The following RTKN2 variants were observed in gnomAD, a reference collection of about 807,000 sequenced individuals.
The protein encoded by RTKN2 is rhotekin-2.
RTKN2 carries 69 observed loss-of-function variants against 71.5 expected under a neutral mutation model. That is an observed-to-expected ratio of 0.96 (90% CI 0.79 to 1.18). The LOEUF (loss-of-function observed/expected upper bound fraction) is 1.18, where lower values mean the gene tolerates loss of function less well. Among genes scored for constraint, RTKN2 ranks in the 50% most tolerant of loss-of-function variants. The pLI, the probability that RTKN2 is intolerant of heterozygous loss-of-function variation, is 0.00. For synonymous variants in RTKN2, 236 were observed against 236.5 expected (o/e 1.00, Z 0.02); for missense variants, 724 against 719.7 (o/e 1.01, Z -0.07).
downstream of RTKN2, among the ~76,000 whole-genome samples, chr10:62,190,792 C>T (rs1319437560): frequency 2.6e-5 from 4 of 152,124 alleles, no homozygotes; most frequent in Non-Finnish European, 4.4e-5. Flanking sequence ...CAGCTTAACC[C>T]GTCTTACTTT....
chr10:62,216,071 A>T lies in RTKN2; in HGVS notation c.1020+1047T>A, dbSNP rs180739128. 6.6e-5 allele frequency among the ~76,000 whole-genome samples: 10 copies of T among 152,104 alleles called. No individual in the cohort carries two copies. The East Asian group carries it at 1.9e-3, about 29-fold the overall frequency. On this transcript the variant is annotated intron_variant, in intron 9 of 11. Coordinates refer to ENST00000373789, the MANE Select transcript of RTKN2 (RefSeq NM_145307.4). ...ACTTTCTGTAAGTAAAAAGCAGTGT[A>T]ATTTCTAAAAGTGGAATAGAAACAG... is the stretch of plus-strand genomic sequence containing the variant.
At position 62,268,575 on chromosome 10, in the gene RTKN2, G is replaced by C. The variant is rs759713447; in HGVS notation, c.36C>G (p.Arg12=). Residue 12 remains arginine (R), a synonymous_variant, in exon 1 of 12, where the codon CGC becomes CGG. Transcript: ENST00000373789. ...CCTGCTGGGTGGGAAGCCCCGCCAG[G>C]CGGAGCGCAGGACCCCTCAGGCTCG... ...EGPSLRGPAL[R]LAGLPTQQDC... is the part of the protein sequence containing the mutation. 1.3e-5 allele frequency: 20 copies of C among 1,566,016 alleles called. No homozygotes were observed. Among genetic ancestry groups the C allele is most frequent in the Non-Finnish European group, 1.6e-5 (19 of 1,155,184 alleles).
chr10:62,212,370 AAAAT>A (rs1010292658), intron 9 of RTKN2, among the ~76,000 whole-genome samples: 5 of 151,476 alleles, frequency 3.3e-5, no homozygotes, highest in South Asian at 2.1e-4. Flanking sequence ...CTCTGTCTCA[AAAAT>A]AAATAAATAA....
chr10:62,197,841 C>T lies in RTKN2; in HGVS notation c.*67G>A, dbSNP rs1256641110. 1.3e-6 allele frequency: 2 copies of T among 1,493,708 alleles called. No individual in the cohort carries two copies. Among genetic ancestry groups the T allele is most frequent in the East Asian group, 4.7e-5 (2 of 42,508 alleles). 92.5% of individuals were successfully genotyped at this position (1,493,708 alleles called of 1,614,324 possible). On this transcript the variant is annotated 3_prime_UTR_variant, in exon 12 of 12. Coordinates refer to ENST00000373789, the MANE Select transcript of RTKN2 (RefSeq NM_145307.4). ...TTTACCTATATAATTACACATTATTCTATAATGCCTCTGAATTAAGCTTCA... is the reference window on the plus strand; with the variant it reads ...TTTACCTATATAATTACACATTATTTTATAATGCCTCTGAATTAAGCTTCA...
chr10:62,198,313 A>G lies in RTKN2; in HGVS notation c.1425T>C (p.Asp475=), dbSNP rs1033566207. ...SLPPPWATLF[D]GNHQMVIQKK... Reference sequence around the variant, plus strand: ...TCTGGATGACCATTTGATGGTTACCATCAAAGAGTGTGGCCCAAGGAGGTG... The same window carrying G: ...TCTGGATGACCATTTGATGGTTACCGTCAAAGAGTGTGGCCCAAGGAGGTG... The change falls in exon 12 of 12, where the codon GAT becomes GAC. Residue 475 remains aspartate (D), a synonymous_variant. Transcript: ENST00000373789. 7.4e-6 allele frequency: 12 copies of G among 1,613,756 alleles called. No homozygotes were observed. The highest frequency in any genetic ancestry group is 1.3e-5 in the African/African-American group (1 of 74,890).
chr10:62,195,837 G>A lies in RTKN2; in HGVS notation c.*2071C>T. On this transcript the variant is annotated 3_prime_UTR_variant, in exon 12 of 12. Coordinates refer to ENST00000373789, the MANE Select transcript of RTKN2 (RefSeq NM_145307.4). Reference sequence around the variant, plus strand: ...GGGAGGGGGTGGTGGTCCTTGCTCAGGCTTTTAAATGGTTCTAGGTAAAAA... The same window carrying A: ...GGGAGGGGGTGGTGGTCCTTGCTCAAGCTTTTAAATGGTTCTAGGTAAAAA... 1.0e-6 allele frequency: 1 copy of A among 985,428 alleles called. No homozygotes were observed. The highest frequency in any genetic ancestry group is 1.2e-6 in the Non-Finnish European group (1 of 829,990). 61.0% of individuals were successfully genotyped at this position (985,428 alleles called of 1,614,324 possible). A position where few individuals can be genotyped will look rare whatever the true frequency, so the allele number is the denominator to read the frequency against.
chr10:62,248,115 C>T (rs1842511306), intron 2 of RTKN2, among the ~76,000 whole-genome samples: 1 of 152,080 alleles, frequency 6.6e-6, no homozygotes, highest in South Asian at 2.1e-4. Flanking sequence ...ATAGCTTTCT[C>T]CCCTGCAATT....
At chr10:62,221,342 A>C (rs1444010655) in intron 7 of RTKN2, among the ~76,000 whole-genome samples, 1 of 152,038 alleles carries the variant, frequency 6.6e-6, no homozygotes, top group African/African-American at 2.4e-5. Context: ...ACAAGGAAAA[A>C]TTGCCTTAAA....
At chr10:62,213,981 T>C (rs1841715587) in intron 9 of RTKN2, among the ~76,000 whole-genome samples, 1 of 151,982 alleles carries the variant, frequency 6.6e-6, no homozygotes, top group African/African-American at 2.4e-5. Context: ...GAATTCACTA[T>C]TAAGAGGGAA....
intron 5 of RTKN2, among the ~76,000 whole-genome samples, chr10:62,236,907 A>T (rs1214495159): frequency 1.6e-5 from 2 of 125,378 alleles, no homozygotes; most frequent in Non-Finnish European, 3.8e-5. Flanking sequence ...TGGAATATTA[A>T]AAAAAAAAGA....
At chr10:62,241,088 G>T in intron 4 of RTKN2, 54 bp downstream of exon 4, 2 of 949,286 alleles carry the variant, frequency 2.1e-6, no homozygotes, top group African/African-American at 1.7e-5. Context: ...TCAATAATCA[G>T]ATACACTACA....
rs144363129 is a variant in RTKN2 at position 62,218,261 on chromosome 10, G to A, written c.822C>T (p.Cys274=). The A allele has an allele frequency of 6.2e-7, 1 of 1,613,280 alleles. No individual in the cohort carries two copies. The highest frequency in any genetic ancestry group is 1.3e-5 in the African/African-American group (1 of 74,904). The change falls in exon 8 of 12, where the codon TGC becomes TGT. Residue 274 remains cysteine (C), a synonymous_variant. Coordinates refer to ENST00000373789, the MANE Select transcript of RTKN2 (RefSeq NM_145307.4). The stretch of plus-strand genomic sequence containing the variant: ...AAGCTGGCTGGGCAACTAGTCGGCA[G>A]CACATGTTGCCATACAGGGGAAGCC... ...SFWLPLYGNM[C]CRLVAQPACM...
At chr10:62,254,803 G>A (rs779234742) in intron 2 of RTKN2, among the ~76,000 whole-genome samples, 2 of 151,704 alleles carry the variant, frequency 1.3e-5, no homozygotes, top group Non-Finnish European at 2.9e-5. Context: ...CAAGCTGAGA[G>A]ACAAAAAATA....
exon 9 of RTKN2, chr10:62,184,275 T>G: frequency 8.4e-7 from 1 of 1,195,696 alleles, no homozygotes; most frequent in Non-Finnish European, 1.2e-6. Context: ...AAATGTCACA[T>G]TGTATTTTAA....
At position 62,204,974 on chromosome 10, in the gene RTKN2, T is replaced by G; in HGVS notation, c.1069A>C (p.Asn357His). 2 of 1,599,722 alleles carry G rather than the reference T, an allele frequency of 1.3e-6. No individual in the cohort carries two copies. The highest frequency in any genetic ancestry group is 1.7e-6 in the Non-Finnish European group (2 of 1,175,556). ...GGAACAGGATTGATGACAGAGAAATTATGGATTCTTTTCTTGGCATCCTTA... is the reference window on the plus strand; with the variant it reads ...GGAACAGGATTGATGACAGAGAAATGATGGATTCTTTTCTTGGCATCCTTA... Reference protein sequence around the residue: ...MDKDAKKRIHNFSVINPVPGQ... With the variant: ...MDKDAKKRIHHFSVINPVPGQ... The change falls in exon 10 of 12, where the codon AAT becomes CAT. Residue 357 changes from asparagine (N) to histidine (H), a missense_variant. Asn to His is a moderately conservative substitution (Grantham distance 68). Coordinates refer to ENST00000373789, the MANE Select transcript of RTKN2 (RefSeq NM_145307.4).
At chr10:62,216,714 T>C (rs945695370) in intron 9 of RTKN2, among the ~76,000 whole-genome samples, 1 of 152,062 alleles carries the variant, frequency 6.6e-6, no homozygotes. Flanking sequence ...ATCAATCCCA[T>C]AAGAAATCAG....
At chr10:62,200,378 A>G (rs1841417945) in intron 10 of RTKN2, among the ~76,000 whole-genome samples, 1 of 150,940 alleles carries the variant, frequency 6.6e-6, no homozygotes, top group Non-Finnish European at 1.5e-5. Context: ...AAAAAAAAAA[A>G]AAAAAAAAGA....
intron 9 of RTKN2, among the ~76,000 whole-genome samples, chr10:62,216,445 GAATA>G (rs1841771014): frequency 6.6e-6 from 1 of 151,936 alleles, no homozygotes; most frequent in African/African-American, 2.4e-5. Flanking sequence ...CACTAGACTT[GAATA>G]ACAGACAAAG....
chr10:62,205,011 G>A lies in RTKN2; in HGVS notation c.1032C>T (p.Ile344=). ...LVVPINKETR[I]RAMDKDAKKR... ...TCTTGGCATCCTTATCCATTGCCCG[G>A]ATTCTGGTTTCCTAAAAATTAAGAA... The change falls in exon 10 of 12, where the codon ATC becomes ATT. Residue 344 remains isoleucine, a synonymous_variant. Coordinates refer to ENST00000373789, the MANE Select transcript of RTKN2 (RefSeq NM_145307.4). 4.4e-6 allele frequency: 7 copies of A among 1,579,234 alleles called. 1 individual carries two copies. Among genetic ancestry groups the A allele is most frequent in the South Asian group, 3.6e-5 (3 of 82,458 alleles).
Sources: gnomAD v4.1 joint callset for allele counts (sites outside exome capture counted in the v4.1 genomes callset) on GRCh38, gnomAD v4.1.1 for gene constraint, MANE v1.5 for transcripts, NCBI Gene and HGNC (gene_info 2026-07-23, HGNC 2026-07-21) for gene names.